The following PCDHGA6 variants were observed in gnomAD, a reference collection of about 807,000 sequenced individuals.
The protein encoded by PCDHGA6 is protocadherin gamma-A6.
Under a neutral mutation model 60.6 loss-of-function variants are expected in PCDHGA6, and 41 were observed. That is an observed-to-expected ratio of 0.68 (90% confidence interval 0.53 to 0.88). The LOEUF is 0.88. Ranked by LOEUF, PCDHGA6 falls within the 40% of genes least tolerant of loss-of-function variation. The probability of loss-of-function intolerance (pLI) is 0.00; values close to 1 mark genes in which losing one functional copy is unlikely to be tolerated. For synonymous variants in PCDHGA6, 594 were observed against 524.4 expected (o/e 1.13, Z -1.81); for missense variants, 1,312 against 1,203.0 (o/e 1.09, Z -1.34).
chr5:141,489,381 T>A lies in PCDHGA6; in HGVS notation c.2425-5426T>A. 1 of 1,613,894 alleles carries A rather than the reference T, an allele frequency of 6.2e-7. No homozygotes were observed. The highest frequency in any genetic ancestry group is 8.5e-7 in the Non-Finnish European group (1 of 1,179,802). ...CTGAGCCGGGGACGCTGGTGGGGAATGTTGCTCAGGATCTGGGCTTAAAGA... is the reference window on the plus strand; with the variant it reads ...CTGAGCCGGGGACGCTGGTGGGGAAAGTTGCTCAGGATCTGGGCTTAAAGA... On this transcript the variant is annotated intron_variant, in intron 1 of 3. Transcript: ENST00000517434. The surrounding 1 kb of genome is among the most constrained non-coding windows in gnomAD (Gnocchi z 4.5).
intron 1 of PCDHGA6, among the ~76,000 whole-genome samples, chr5:141,382,425 AAG>A (rs1778199818): frequency 6.6e-6 from 1 of 152,212 alleles, no homozygotes; most frequent in Admixed American, 6.5e-5. Flanking sequence ...CAGTGCCCAA[AAG>A]AGTCACTTGA....
At chr5:141,456,364 G>A (rs778916049) in intron 1 of PCDHGA6, among the ~76,000 whole-genome samples, 2 of 152,258 alleles carry the variant, frequency 1.3e-5, no homozygotes, top group Admixed American at 6.5e-5. Flanking sequence ...TCCATGTGTG[G>A]TTCAGTTTAC....
intron 1 of PCDHGA6, among the ~76,000 whole-genome samples, chr5:141,470,537 A>G (rs189730495): frequency 1.3e-5 from 2 of 152,256 alleles, no homozygotes; most frequent in Non-Finnish European, 2.9e-5. Context: ...TGTATCAGGT[A>G]ATATTTATTG....
At chr5:141,420,245 G>A (rs72790042) in intron 1 of PCDHGA6, 83,459 of 1,583,130 alleles carry the variant, frequency 0.053, 2,452 homozygotes, top group African/African-American at 0.1. Context: ...AACTCCCAGC[G>A]TTGAAGCAGA....
chr5:141,418,714 T>C, intron 1 of PCDHGA6: 4 of 1,614,000 alleles, frequency 2.5e-6, no homozygotes, highest in Non-Finnish European at 3.4e-6. Flanking sequence ...TTGGTGTGGC[T>C]GACAAAGCTC....
Position 141,374,129 on chromosome 5 carries a change from C to T in PCDHGA6, c.46C>T (p.Leu16Phe). 4 of 1,603,566 alleles carry T rather than the reference C, an allele frequency of 2.5e-6. No individual in the cohort carries two copies. In the South Asian group the frequency reaches 4.4e-5, roughly 18 times the overall value. Residue 16 changes from leucine to phenylalanine, a missense_variant, in exon 1 of 4, where the codon CTC (leucine) becomes TTC (phenylalanine). Leu to Phe is a conservative substitution (Grantham distance 22). Transcript: ENST00000517434. Reference protein sequence around the residue: ...RHPQRSEQVLLLTLLGTLWGA... With the variant: ...RHPQRSEQVLFLTLLGTLWGA... ...TCCGCAGCGCAGCGAGCAGGTCCTG[C>T]TCCTCACGCTCCTGGGGACGCTGTG... is the stretch of plus-strand genomic sequence containing the variant.
intron 1 of PCDHGA6, chr5:141,418,683 CAG>C: frequency 6.2e-7 from 1 of 1,614,048 alleles, no homozygotes; most frequent in African/African-American, 1.3e-5. Flanking sequence ...GGCATCAACT[CAG>C]AGATCACTTA....
chr5:141,417,939 C>T, intron 1 of PCDHGA6: 1 of 1,612,862 alleles, frequency 6.2e-7, no homozygotes, highest in Non-Finnish European at 8.5e-7. Context: ...TTGTTCTACC[C>T]CACGCTGTGT....
At chr5:141,383,436 C>T in intron 1 of PCDHGA6, 1 of 1,613,968 alleles carries the variant, frequency 6.2e-7, no homozygotes, top group Non-Finnish European at 8.5e-7. Flanking sequence ...GCCACTTCTC[C>T]CTGGCTGTGC....
intron 1 of PCDHGA6, chr5:141,433,291 T>C: frequency 9.1e-7 from 1 of 1,094,048 alleles, no homozygotes; most frequent in Non-Finnish European, 1.3e-6. Context: ...ACTCCTAGGC[T>C]CAAGCAATTA....
intron 1 of PCDHGA6, among the ~76,000 whole-genome samples, chr5:141,483,525 A>G (rs1442825090): frequency 1.3e-5 from 2 of 152,126 alleles, no homozygotes; most frequent in African/African-American, 4.8e-5. Context: ...ATCCTGACTA[A>G]GGAAGCTGGG....
intron 1 of PCDHGA6, among the ~76,000 whole-genome samples, chr5:141,464,132 G>A (rs1432411937): frequency 6.6e-6 from 1 of 152,076 alleles, no homozygotes; most frequent in Non-Finnish European, 1.5e-5. Flanking sequence ...GGGTGTGGTG[G>A]TGGGCGCCTG....
intron 1 of PCDHGA6, chr5:141,385,002 C>T: frequency 6.2e-7 from 1 of 1,614,138 alleles, no homozygotes; most frequent in Admixed American, 1.7e-5. Flanking sequence ...CCACAGTCTC[C>T]TGCGTCTTCC....
chr5:141,403,021 A>G (rs1367554344), intron 1 of PCDHGA6: 2 of 1,613,944 alleles, frequency 1.2e-6, no homozygotes, highest in African/African-American at 1.3e-5. Flanking sequence ...TGGGGATGCT[A>G]TGGGAGGCCA....
chr5:141,387,560 C>A, intron 1 of PCDHGA6: 1 of 421,856 alleles, frequency 2.4e-6, no homozygotes, highest in East Asian at 3.8e-5. Context: ...CAGTTAGGCA[C>A]ACAATTATAA....
chr5:141,395,310 A>T (rs752171326), intron 1 of PCDHGA6: 1 of 1,502,292 alleles, frequency 6.7e-7, no homozygotes, highest in African/African-American at 1.4e-5. Context: ...TTTGAAAAAC[A>T]TTGTGAAGAT....
chr5:141,374,154 G>T lies in PCDHGA6; in HGVS notation c.71G>T (p.Trp24Leu), dbSNP rs376984494. The T allele has an allele frequency of 2.5e-6, 4 of 1,611,790 alleles. No individual in the cohort carries two copies. The highest frequency in any genetic ancestry group is 3.4e-6 in the Non-Finnish European group (4 of 1,178,768). The part of the protein sequence containing the change: ...VLLLTLLGTL[W>L]GAAAAQIRYS... ...CTCCTCACGCTCCTGGGGACGCTGTGGGGGGCCGCGGCAGCGCAGATCCGC... is the reference window on the plus strand; with the variant it reads ...CTCCTCACGCTCCTGGGGACGCTGTTGGGGGCCGCGGCAGCGCAGATCCGC... Residue 24 changes from tryptophan (W) to leucine (L), a missense_variant, in exon 1 of 4, where the codon TGG (tryptophan) becomes TTG (leucine). Trp to Leu is a moderately conservative substitution (Grantham distance 61). Coordinates refer to ENST00000517434, the MANE Select transcript of PCDHGA6 (RefSeq NM_018919.3).
At chr5:141,471,075 G>T (rs574363005) in intron 1 of PCDHGA6, among the ~76,000 whole-genome samples, 1 of 143,346 alleles carries the variant, frequency 7.0e-6, no homozygotes, top group East Asian at 2.0e-4. Context: ...TTGAGACAGG[G>T]TCTCCCTCTG....
At chr5:141,396,891 A>G (rs1216083648) in intron 1 of PCDHGA6, among the ~76,000 whole-genome samples, 1 of 152,228 alleles carries the variant, frequency 6.6e-6, no homozygotes, top group Non-Finnish European at 1.5e-5. Flanking sequence ...AGAGGACAAC[A>G]TATTATTGGC....
Sources: allele counts gnomAD v4.1 joint callset (sites outside exome capture counted in the v4.1 genomes callset), GRCh38; gene constraint gnomAD v4.1.1; non-coding constraint Gnocchi (gnomAD v3.1); transcripts MANE v1.5; gene names NCBI Gene and HGNC (gene_info 2026-07-23, HGNC 2026-07-21).